The following TPRG1 variants were observed in gnomAD, a reference collection of about 807,000 sequenced individuals.
TPRG1 encodes tumor protein p63-regulated gene 1 protein.
Under a neutral mutation model 29.3 loss-of-function variants are expected in TPRG1, and 29 were observed. The observed-to-expected ratio is 0.99, with a 90% CI of 0.74 to 1.35. The LOEUF is 1.35. Ranked by LOEUF, TPRG1 falls within the 40% of genes most tolerant of loss-of-function variation. The probability of loss-of-function intolerance (pLI) is 0.00; values close to 1 mark genes in which losing one functional copy is unlikely to be tolerated. For missense variants in TPRG1, 327 were observed against 335.0 expected (o/e 0.98, Z 0.19); for synonymous variants, 130 against 116.8 (o/e 1.11, Z -0.73).
intron 4 of TPRG1, among the ~76,000 whole-genome samples, chr3:189,091,590 C>T (rs987667352): frequency 6.6e-6 from 1 of 152,040 alleles, no homozygotes; most frequent in Non-Finnish European, 1.5e-5. Flanking sequence ...GGCAGTCTTT[C>T]GTAACATATA....
intron 4 of TPRG1, among the ~76,000 whole-genome samples, chr3:189,262,028 A>AT (rs1713152518): frequency 6.6e-6 from 1 of 152,106 alleles, no homozygotes. Context: ...AATGATTGAC[A>AT]TTTTGCCTCA....
At chr3:189,022,874 A>G (rs938370977) in intron 3 of TPRG1, among the ~76,000 whole-genome samples, 2 of 152,230 alleles carry the variant, frequency 1.3e-5, no homozygotes, top group Non-Finnish European at 2.9e-5. Context: ...GCTAGCAATC[A>G]GCGAGACTCC....
intron 3 of TPRG1, among the ~76,000 whole-genome samples, chr3:189,017,717 T>A (rs1473652976): frequency 6.6e-6 from 1 of 152,218 alleles, no homozygotes. Flanking sequence ...TATAGCAGCA[T>A]GATTTATAGT....
At chr3:189,024,023 G>T (rs530797175) in intron 4 of TPRG1, 11 of 152,470 alleles carry the variant, frequency 7.2e-5, no homozygotes, top group African/African-American at 2.6e-4. Flanking sequence ...TGGTAGAGCA[G>T]CTTTGCTGTG....
intron 3 of TPRG1, among the ~76,000 whole-genome samples, chr3:189,005,848 C>A (rs569484438): frequency 2.6e-5 from 4 of 152,068 alleles, no homozygotes; most frequent in South Asian, 4.1e-4. Flanking sequence ...TAAATTTATT[C>A]AGCAGTAATT....
At chr3:189,183,069 C>T (rs747232497) in intron 1 of TPRG1, among the ~76,000 whole-genome samples, 7 of 152,132 alleles carry the variant, frequency 4.6e-5, no homozygotes, top group South Asian at 2.1e-4. Flanking sequence ...GACTTTTTAT[C>T]GGGGAACCTG....
At chr3:189,158,337 G>T (rs965978436) in intron 5 of TPRG1, among the ~76,000 whole-genome samples, 1 of 152,104 alleles carries the variant, frequency 6.6e-6, no homozygotes, top group Admixed American at 6.5e-5. Context: ...GGCTGGGCGC[G>T]GTGGCTCACA....
chr3:189,277,242 G>A (rs918602368), intron 4 of TPRG1, among the ~76,000 whole-genome samples: 2 of 152,144 alleles, frequency 1.3e-5, no homozygotes, highest in South Asian at 2.1e-4. Flanking sequence ...GGGTAAGTCC[G>A]TATGCTGCAC....
intron 2 of TPRG1, among the ~76,000 whole-genome samples, chr3:189,004,376 T>G (rs573733997): frequency 6.6e-6 from 1 of 152,174 alleles, no homozygotes; most frequent in Non-Finnish European, 1.5e-5. Context: ...TAGTGTGTAG[T>G]TTTGAAATGA....
intron 4 of TPRG1, among the ~76,000 whole-genome samples, chr3:189,085,155 A>G (rs1717846613): frequency 6.6e-6 from 1 of 152,148 alleles, no homozygotes; most frequent in Admixed American, 6.5e-5. Context: ...AAACAAAACA[A>G]AAGCGAAAAG....
At chr3:189,033,467 AG>A (rs1455529643) in intron 4 of TPRG1, among the ~76,000 whole-genome samples, 2 of 151,990 alleles carry the variant, frequency 1.3e-5, no homozygotes, top group Non-Finnish European at 2.9e-5. Flanking sequence ...TTTTTTGTAA[AG>A]ATGGGATTTT....
At chr3:189,036,302 G>T (rs1384477083) in intron 4 of TPRG1, among the ~76,000 whole-genome samples, 1 of 152,048 alleles carries the variant, frequency 6.6e-6, no homozygotes, top group Admixed American at 6.6e-5. Context: ...GAAACTACTA[G>T]TGTAAAATTA....
At chr3:189,140,238 G>A (rs1724361307) in intron 3 of TPRG1, among the ~76,000 whole-genome samples, 1 of 152,180 alleles carries the variant, frequency 6.6e-6, no homozygotes, top group Admixed American at 6.5e-5. Context: ...GAGTTGGACA[G>A]GACATAAGCA....
intron 3 of TPRG1, among the ~76,000 whole-genome samples, chr3:189,006,803 G>A (rs1712312657): frequency 6.6e-6 from 1 of 152,080 alleles, no homozygotes; most frequent in Admixed American, 6.6e-5. Context: ...GTTTGTTTTT[G>A]TAAATAAAGT....
rs1169041695 is a variant in TPRG1 at position 189,320,950 on chromosome 3, G to T, written c.*130G>T. ...TGACGCTTTATGATTTAGAAATTTA[G>T]TATTTCCGAAAATTTAAAAGCTTGA... On this transcript the variant is annotated 3_prime_UTR_variant, in exon 6 of 6. Transcript: ENST00000345063. 2 of 899,430 alleles carry T rather than the reference G, an allele frequency of 2.2e-6. No individual in the cohort carries two copies. Among genetic ancestry groups the T allele is most frequent in the East Asian group, 5.8e-5 (2 of 34,466 alleles). The allele number at this position is 899,430 out of a possible 1,614,324, so 55.7% of individuals were successfully genotyped here.
At chr3:189,256,183 G>C (rs995613126) in intron 4 of TPRG1, among the ~76,000 whole-genome samples, 4 of 152,112 alleles carry the variant, frequency 2.6e-5, no homozygotes, top group African/African-American at 9.7e-5. Context: ...TACTGCCTTA[G>C]CTGTGTCCCA....
chr3:189,271,544 G>T (rs1465573803), intron 4 of TPRG1, among the ~76,000 whole-genome samples: 1 of 152,176 alleles, frequency 6.6e-6, no homozygotes, highest in African/African-American at 2.4e-5. Context: ...AAATAGAAAA[G>T]AAAGTAATCT....
intron 3 of TPRG1, among the ~76,000 whole-genome samples, chr3:189,021,286 G>GTTAGTTATGCA (rs1713290910): frequency 6.6e-6 from 1 of 150,622 alleles, no homozygotes; most frequent in Non-Finnish European, 1.5e-5. Context: ...GATGTTAGCT[G>GTTAGTTATGCA]GTTATTTTGC....
chr3:189,015,393 C>A (rs1712874831), intron 3 of TPRG1, among the ~76,000 whole-genome samples: 1 of 152,044 alleles, frequency 6.6e-6, no homozygotes, highest in Non-Finnish European at 1.5e-5. Context: ...AACAGAGCAT[C>A]AAAGTTTGGA....
Sources: gnomAD v4.1 joint callset for allele counts (sites outside exome capture counted in the v4.1 genomes callset) on GRCh38, gnomAD v4.1.1 for gene constraint, MANE v1.5 for transcripts, NCBI Gene and HGNC (gene_info 2026-07-23, HGNC 2026-07-21) for gene names.